The following RALYL variants were observed in gnomAD, a reference collection of about 807,000 sequenced individuals.
RALYL encodes RALY RNA binding protein like, also known as RNA-binding Raly-like protein.
Under a neutral mutation model 35.1 loss-of-function variants are expected in RALYL, and 29 were observed. That is an observed-to-expected ratio of 0.83 (90% CI 0.61 to 1.13). The LOEUF (loss-of-function observed/expected upper bound fraction) is 1.13, where lower values mean the gene tolerates loss of function less well. Among genes scored for constraint, RALYL ranks in the 50% most tolerant of loss-of-function variants. The pLI is 0.00. For missense variants in RALYL, 359 were observed against 360.4 expected (o/e 1.00, Z 0.03); for synonymous variants, 120 against 127.6 (o/e 0.94, Z 0.40).
chr8:84,404,183 C>T (rs1586893258), intron 1 of RALYL, among the ~76,000 whole-genome samples: 1 of 152,048 alleles, frequency 6.6e-6, no homozygotes, highest in South Asian at 2.1e-4. Context: ...TGCCTGATTG[C>T]CCTGGCCAGA....
At chr8:84,223,209 C>CCTTCCTCCCTTCCCTTCCCT (rs1554578639) in intron 1 of RALYL, among the ~76,000 whole-genome samples, 1 of 88,874 alleles carries the variant, frequency 1.1e-5, no homozygotes, top group Non-Finnish European at 2.0e-5. Context: ...CCTTCCATTC[C>CCTTCCTCCCTTCCCTTCCCT]TCCCTTCCCT....
chr8:84,815,318 T>A (rs919349774), intron 4 of RALYL, among the ~76,000 whole-genome samples: 24 of 150,746 alleles, frequency 1.6e-4, no homozygotes, highest in Non-Finnish European at 3.5e-4. Flanking sequence ...TTCAAAATAT[T>A]AAATAATATA....
At chr8:84,585,502 G>A (rs375129879) in intron 2 of RALYL, among the ~76,000 whole-genome samples, 40 of 152,156 alleles carry the variant, frequency 2.6e-4, no homozygotes, top group Middle Eastern at 3.4e-3. Context: ...TACAGTTAAC[G>A]TGTATATACA....
At chr8:84,565,538 G>A (rs2061726043) in intron 2 of RALYL, among the ~76,000 whole-genome samples, 1 of 151,310 alleles carries the variant, frequency 6.6e-6, no homozygotes, top group African/African-American at 2.4e-5. Context: ...GGATTACTGA[G>A]GGTTGAAAAA....
chr8:84,918,253 T>C lies in RALYL; in HGVS notation c.859-2641T>C, dbSNP rs114594461. ...AAAGTATGATTTTCTGGGCAGAGTG[T>C]AAATAAGGTGGATTTATTCTATATA... On this transcript the variant is annotated intron_variant, in intron 8 of 8. Transcript: ENST00000521268. 3.5e-3 allele frequency among the ~76,000 whole-genome samples: 540 copies of C among 152,194 alleles called. 4 individuals carry two copies. Among genetic ancestry groups the C allele is most frequent in the African/African-American group, 0.012 (505 of 41,558 alleles).
intron 2 of RALYL, among the ~76,000 whole-genome samples, chr8:84,637,605 G>C (rs1825346502): frequency 6.6e-6 from 1 of 151,842 alleles, no homozygotes; most frequent in Admixed American, 6.6e-5. Context: ...CTGGAGAGAG[G>C]GGCTTTAAAG....
At chr8:84,737,706 G>C (rs1439265491) in intron 2 of RALYL, among the ~76,000 whole-genome samples, 1 of 151,964 alleles carries the variant, frequency 6.6e-6, no homozygotes, top group Non-Finnish European at 1.5e-5. Context: ...GGTGTCTGGA[G>C]GAGGGGTATT....
chr8:84,226,482 T>A (rs1389021664), intron 1 of RALYL, among the ~76,000 whole-genome samples: 2 of 152,234 alleles, frequency 1.3e-5, no homozygotes, highest in East Asian at 3.9e-4. Flanking sequence ...TCTCAGCTCA[T>A]CGCAACTTCC....
intron 1 of RALYL, among the ~76,000 whole-genome samples, chr8:84,483,925 T>A (rs1375346244): frequency 6.6e-6 from 1 of 152,168 alleles, no homozygotes; most frequent in Non-Finnish European, 1.5e-5. Context: ...TCCTTTTGGG[T>A]AGACATTAGT....
intron 2 of RALYL, among the ~76,000 whole-genome samples, chr8:84,744,363 A>T (rs1589307501): frequency 6.6e-6 from 1 of 151,940 alleles, no homozygotes; most frequent in African/African-American, 2.4e-5. Context: ...ACACAAACCA[A>T]GTGTTGCTTA....
chr8:84,338,692 T>C (rs749139455), intron 1 of RALYL, among the ~76,000 whole-genome samples: 6 of 152,066 alleles, frequency 3.9e-5, no homozygotes, highest in Non-Finnish European at 5.9e-5. Flanking sequence ...TTTTATACCT[T>C]GGTATTGTAT....
chr8:84,537,329 G>T (rs1180512555), intron 2 of RALYL, among the ~76,000 whole-genome samples: 2 of 151,814 alleles, frequency 1.3e-5, no homozygotes, highest in Non-Finnish European at 2.9e-5. Flanking sequence ...AATTAGCTGG[G>T]CTTGGTGGCA....
At chr8:84,738,684 C>A (rs1300403879) in intron 2 of RALYL, among the ~76,000 whole-genome samples, 1 of 151,930 alleles carries the variant, frequency 6.6e-6, no homozygotes, top group Non-Finnish European at 1.5e-5. Flanking sequence ...TTATTTTATA[C>A]TAATTGGGCA....
chr8:84,490,691 G>T (rs895583322), intron 1 of RALYL, among the ~76,000 whole-genome samples: 2 of 150,746 alleles, frequency 1.3e-5, no homozygotes, highest in East Asian at 1.9e-4. Context: ...AAAGATGTGG[G>T]TATTTTTTTA....
intron 4 of RALYL, among the ~76,000 whole-genome samples, chr8:84,809,139 G>A (rs919224043): frequency 6.6e-6 from 1 of 152,042 alleles, no homozygotes; most frequent in Non-Finnish European, 1.5e-5. Context: ...TTGGCTGTGG[G>A]TTTTTCATAG....
chr8:84,389,902 G>A (rs1860210577), intron 1 of RALYL, among the ~76,000 whole-genome samples: 1 of 151,308 alleles, frequency 6.6e-6, no homozygotes, highest in African/African-American at 2.4e-5. Context: ...TGGTGAGAGA[G>A]GGCATCCCTG....
intron 2 of RALYL, among the ~76,000 whole-genome samples, chr8:84,600,131 G>A (rs1815573995): frequency 6.6e-6 from 1 of 151,766 alleles, no homozygotes; most frequent in Admixed American, 6.6e-5. Context: ...CTTTTAACTT[G>A]GGAATTTGCT....
At chr8:84,873,848 A>G (rs2135251640) in intron 7 of RALYL, among the ~76,000 whole-genome samples, 1 of 152,266 alleles carries the variant, frequency 6.6e-6, no homozygotes, top group South Asian at 2.1e-4. Flanking sequence ...AGACTTCAGT[A>G]CCCAAGTTCA....
At chr8:84,259,681 T>C (rs903514241) in intron 1 of RALYL, among the ~76,000 whole-genome samples, 15 of 152,198 alleles carry the variant, frequency 9.9e-5, no homozygotes, top group Non-Finnish European at 2.2e-4. Context: ...AGCCTTGTGT[T>C]TTTGTGATCA....
Sources: gnomAD v4.1 joint callset for allele counts (sites outside exome capture counted in the v4.1 genomes callset) on GRCh38, gnomAD v4.1.1 for gene constraint, MANE v1.5 for transcripts, NCBI Gene and HGNC (gene_info 2026-07-23, HGNC 2026-07-21) for gene names.